CACNA1C: variants seen among roughly 807,000 people sequenced by gnomAD.
The protein encoded by CACNA1C is voltage-dependent L-type calcium channel subunit alpha-1C.
In CACNA1C, 30 loss-of-function variants were observed where a neutral mutation model predicts 229.0. The ratio of observed to expected loss-of-function variants is 0.13; its 90% confidence interval spans 0.10 to 0.18. The LOEUF (loss-of-function observed/expected upper bound fraction) is 0.18. Ranked by LOEUF, CACNA1C falls within the 10% of genes least tolerant of loss-of-function variation. CACNA1C has a pLI of 1.00. For missense variants in CACNA1C, 1,658 were observed against 2,845.0 expected (o/e 0.58, Z 9.49); for synonymous variants, 1,114 against 1,132.5 (o/e 0.98, Z 0.33).
chr12:2,645,325 CAG>C (rs1051699532), intron 30 of CACNA1C, among the ~76,000 whole-genome samples: 2 of 152,202 alleles, frequency 1.3e-5, no homozygotes, highest in Admixed American at 6.5e-5. Flanking sequence ...CAAACTAACT[CAG>C]GGCACCGGCA....
chr12:2,650,074 G>A (rs1239973907), intron 31 of CACNA1C, among the ~76,000 whole-genome samples: 2 of 152,178 alleles, frequency 1.3e-5, no homozygotes, highest in Admixed American at 6.5e-5. Flanking sequence ...CCACCTGTCT[G>A]TCCCCTGCCT....
chr12:2,347,182 A>G (rs2097064648), intron 3 of CACNA1C, among the ~76,000 whole-genome samples: 1 of 152,200 alleles, frequency 6.6e-6, no homozygotes, highest in Admixed American at 6.5e-5. Context: ...TGCAGCTAGC[A>G]TCTGAATGGA....
At chr12:2,163,879 C>T (rs2154252148) in intron 3 of CACNA1C, among the ~76,000 whole-genome samples, 1 of 152,314 alleles carries the variant, frequency 6.6e-6, no homozygotes, top group East Asian at 1.9e-4. Context: ...AGGCTGGCTT[C>T]TCGGGCTCTG....
At chr12:2,574,085 A>C (rs1048808539) in intron 13 of CACNA1C, among the ~76,000 whole-genome samples, 18 of 151,916 alleles carry the variant, frequency 1.2e-4, no homozygotes, top group Admixed American at 1.1e-3. Context: ...GTTTCAAGAC[A>C]AAAAAAAGGC....
rs773212833 is a variant in CACNA1C at position 2,585,971 on chromosome 12, G to A, written c.2530+67G>A. The A allele has an allele frequency of 8.5e-5, 81 of 957,666 alleles. No individual in the cohort carries two copies. Among genetic ancestry groups the A allele is most frequent in the East Asian group, 8.3e-4 (31 of 37,296 alleles). 59.3% of individuals were successfully genotyped at this position (957,666 alleles called of 1,614,324 possible). A position where few individuals can be genotyped will look rare whatever the true frequency, so the allele number is the denominator to read the frequency against. On this transcript the variant is annotated intron_variant, in intron 18 of 46. Coordinates refer to ENST00000399655, the MANE Select transcript of CACNA1C (RefSeq NM_000719.7). The surrounding 1 kb of genome is among the most constrained non-coding windows in gnomAD (Gnocchi z 4.1). ...GCAGAGATCTAAATTCTAAAGCCACGTGGGAGTGGCCATATATTAGGGACC... is the reference window on the plus strand; with the variant it reads ...GCAGAGATCTAAATTCTAAAGCCACATGGGAGTGGCCATATATTAGGGACC...
Position 2,486,383 on chromosome 12 carries a change from C to T in CACNA1C, c.916+121C>T. The T allele has an allele frequency of 1.4e-6, 1 of 721,414 alleles. No individual in the cohort carries two copies. Among genetic ancestry groups the T allele is most frequent in the Non-Finnish European group, 2.2e-6 (1 of 453,988 alleles). The allele number at this position is 721,414 out of a possible 1,614,324, so 44.7% of individuals were successfully genotyped here. ...CCAGGGAAGGCCCCATTCATTCAGA[C>T]ACACACTGGGCATGGTTAAGTGAGA... On this transcript the variant is annotated intron_variant, in intron 6 of 46. Coordinates refer to ENST00000399655, the MANE Select transcript of CACNA1C (RefSeq NM_000719.7). The surrounding 1 kb of genome is among the most constrained non-coding windows in gnomAD (Gnocchi z 4.9).
At chr12:2,535,956 G>A (rs2099854003) in intron 9 of CACNA1C, among the ~76,000 whole-genome samples, 1 of 152,214 alleles carries the variant, frequency 6.6e-6, no homozygotes, top group African/African-American at 2.4e-5. Context: ...CATGGGGTTG[G>A]AGTTAAAATG....
At chr12:2,596,037 C>A in intron 20 of CACNA1C, 34 bp downstream of exon 20, 1 of 1,583,130 alleles carries the variant, frequency 6.3e-7, no homozygotes, top group African/African-American at 1.3e-5. Context: ...CACTCCTTCC[C>A]CCTGGGGCTG....
chr12:2,006,560 A>G (rs1355568192), intron 1 of CACNA1C, among the ~76,000 whole-genome samples: 2 of 152,244 alleles, frequency 1.3e-5, no homozygotes, highest in Non-Finnish European at 2.9e-5. Context: ...ACATTCATAA[A>G]TTCTTACCTA....
intron 8 of CACNA1C, among the ~76,000 whole-genome samples, chr12:2,505,463 A>G (rs996000251): frequency 1.3e-5 from 2 of 152,190 alleles, no homozygotes; most frequent in Non-Finnish European, 2.9e-5. Flanking sequence ...GGCTGCAAGT[A>G]TCACATCTAC....
rs1246693444 is a variant in CACNA1C, at chr12:2,115,278, C to A, written c.104C>A (p.Ala35Glu). 6.3e-7 allele frequency: 1 copy of A among 1,590,822 alleles called. No homozygotes were observed. Among genetic ancestry groups the A allele is most frequent in the Admixed American group, 1.7e-5 (1 of 57,726 alleles). ...PAHANMNANA[A>E]AGLAPEHIPT... ...CATGCCAACATGAATGCCAATGCGG[C>A]AGCGGGGCTGGCCCCTGAGCACATC... Residue 35 changes from alanine to glutamate, a missense_variant, in exon 2 of 47, where the codon GCA becomes GAA. Ala to Glu is a moderately radical substitution (Grantham distance 107). Transcript: ENST00000399655.
At chr12:2,636,757 G>A (rs911190279) in intron 30 of CACNA1C, among the ~76,000 whole-genome samples, 3 of 152,150 alleles carry the variant, frequency 2.0e-5, no homozygotes, top group Non-Finnish European at 4.4e-5. Flanking sequence ...CACTAGCCAC[G>A]ACTTACTCAG....
intron 3 of CACNA1C, among the ~76,000 whole-genome samples, chr12:2,176,698 C>T (rs962295039): frequency 2.0e-5 from 3 of 152,132 alleles, no homozygotes; most frequent in Admixed American, 1.3e-4. Flanking sequence ...TCGAGCGCTT[C>T]AGGACATAAA....
chr12:2,553,506 G>A (rs144876597), intron 10 of CACNA1C, among the ~76,000 whole-genome samples: 5 of 152,372 alleles, frequency 3.3e-5, no homozygotes, highest in African/African-American at 1.2e-4. Context: ...ACTGAAACCA[G>A]TGAGTCGTCG....
chr12:2,233,790 T>A (rs575413480), intron 3 of CACNA1C, among the ~76,000 whole-genome samples: 3 of 152,048 alleles, frequency 2.0e-5, no homozygotes, highest in Admixed American at 6.5e-5. Context: ...TCCTATGGGG[T>A]TGGGGTATAG....
chr12:2,045,596 C>T (rs1447455575), intron 1 of CACNA1C, among the ~76,000 whole-genome samples: 1 of 152,228 alleles, frequency 6.6e-6, no homozygotes, highest in Non-Finnish European at 1.5e-5. Context: ...TCACCACTCA[C>T]TTAAGCTCTA....
At chr12:2,037,090 G>T (rs1425053336) in intron 1 of CACNA1C, among the ~76,000 whole-genome samples, 2 of 152,164 alleles carry the variant, frequency 1.3e-5, no homozygotes, top group African/African-American at 4.8e-5. Context: ...GCTTTAGGGG[G>T]CAGTTTTTAG....
chr12:2,555,923 C>G (rs907029662), intron 10 of CACNA1C, among the ~76,000 whole-genome samples: 1 of 142,324 alleles, frequency 7.0e-6, no homozygotes, highest in Non-Finnish European at 1.5e-5. Flanking sequence ...ACTCCCTTCT[C>G]CTGTTTCCTC....
At chr12:2,153,397 A>G (rs1411947726) in intron 3 of CACNA1C, among the ~76,000 whole-genome samples, 2 of 152,186 alleles carry the variant, frequency 1.3e-5, no homozygotes, top group South Asian at 2.1e-4. Flanking sequence ...TTGTGCAACC[A>G]TCACAACCAT....
Sources: allele counts gnomAD v4.1 joint callset (sites outside exome capture counted in the v4.1 genomes callset), GRCh38; gene constraint gnomAD v4.1.1; non-coding constraint Gnocchi (gnomAD v3.1); transcripts MANE v1.5; gene names NCBI Gene and HGNC (gene_info 2026-07-23, HGNC 2026-07-21).